The following SGMS1 variants were observed in gnomAD, a reference collection of about 807,000 sequenced individuals.
The protein encoded by SGMS1 is phosphatidylcholine:ceramide cholinephosphotransferase 1.
A neutral mutation model predicts 46.2 loss-of-function variants in SGMS1; 13 were observed. That is an observed-to-expected ratio of 0.28 (90% CI 0.18 to 0.45). The LOEUF is 0.45. Among genes scored for constraint, SGMS1 ranks in the 20% least tolerant of loss-of-function variants. The probability of loss-of-function intolerance (pLI) is 1.00; values close to 1 mark genes in which losing one functional copy is unlikely to be tolerated. For missense variants in SGMS1, 324 were observed against 519.9 expected, an observed-to-expected ratio of 0.62 and a Z score of 3.66; for synonymous variants, 203 against 187.8, an observed-to-expected ratio of 1.08 and a Z score of -0.66.
At chr10:50,475,861 G>C (rs962217478) in intron 3 of SGMS1, among the ~76,000 whole-genome samples, 1 of 152,012 alleles carries the variant, frequency 6.6e-6, no homozygotes, top group Non-Finnish European at 1.5e-5. Context: ...GCAGAAGCCT[G>C]TACAGCCTGC....
intron 5 of SGMS1, among the ~76,000 whole-genome samples, chr10:50,444,799 C>T (rs761426657): frequency 8.6e-5 from 13 of 151,908 alleles, no homozygotes; most frequent in Admixed American, 3.9e-4. Context: ...TTTAGGAAAA[C>T]GTAGAACAAT....
chr10:50,338,229 C>T (rs1354864590), intron 7 of SGMS1, among the ~76,000 whole-genome samples: 2 of 152,188 alleles, frequency 1.3e-5, no homozygotes, highest in Non-Finnish European at 2.9e-5. Flanking sequence ...TGTTTTACCA[C>T]TAAGCTCTCT....
At position 50,311,410 on chromosome 10, in the gene SGMS1, G is replaced by A. The variant is rs148009940; in HGVS notation, c.747C>T (p.Phe249=). ...TTCGCAGTTGGGCTTCCCAGTCTCC[G>A]AAAAGCTGGCAGAAAAAAAGAAAAG... is the stretch of plus-strand genomic sequence containing the variant. The part of the protein sequence containing the change: ...GMHFNCSPKL[F]GDWEAQLRRI... The change falls in exon 9 of 11, where the codon TTC becomes TTT. Residue 249 remains phenylalanine, a synonymous_variant. Coordinates refer to ENST00000361781, the MANE Select transcript of SGMS1 (RefSeq NM_147156.4). 25 of 1,611,794 alleles carry A rather than the reference G, an allele frequency of 1.6e-5. No individual in the cohort carries two copies. Among genetic ancestry groups the A allele is most frequent in the Middle Eastern group, 1.6e-4 (1 of 6,078 alleles).
intron 9 of SGMS1, 27 bp from the exon 10 acceptor site, chr10:50,308,175 T>A: frequency 6.2e-7 from 1 of 1,602,396 alleles, no homozygotes; most frequent in Non-Finnish European, 8.5e-7. Flanking sequence ...TTTGCAATAG[T>A]CCCATTATTC....
chr10:50,624,994 T>G (rs1205151777), upstream of SGMS1: 1 of 1,026,394 alleles, frequency 9.7e-7, no homozygotes, highest in Non-Finnish European at 1.2e-6. Flanking sequence ...GGAACCGACC[T>G]GGGAGCTGGC....
At chr10:50,405,280 T>C (rs1848997162) in intron 6 of SGMS1, among the ~76,000 whole-genome samples, 1 of 152,106 alleles carries the variant, frequency 6.6e-6, no homozygotes, top group South Asian at 2.1e-4. Flanking sequence ...CCTCAACATC[T>C]GAAAATCCCA....
At chr10:50,536,826 C>T (rs1490995949) in intron 2 of SGMS1, among the ~76,000 whole-genome samples, 1 of 152,174 alleles carries the variant, frequency 6.6e-6, no homozygotes, top group Admixed American at 6.5e-5. Flanking sequence ...TAATCATTGT[C>T]AAGATTATGC....
intron 1 of SGMS1, among the ~76,000 whole-genome samples, chr10:50,596,240 G>C (rs1287516838): frequency 6.8e-6 from 1 of 148,106 alleles, no homozygotes; most frequent in African/African-American, 2.5e-5. Flanking sequence ...GCAATGGCAC[G>C]ATCTCAGCTC....
intron 6 of SGMS1, among the ~76,000 whole-genome samples, chr10:50,409,812 T>C (rs1849071994): frequency 6.6e-6 from 1 of 152,106 alleles, no homozygotes; most frequent in Non-Finnish European, 1.5e-5. Flanking sequence ...TATAAGAATA[T>C]AAAAAGGACA....
chr10:50,418,577 AGCCTTTTCTTTAC>A (rs778883987), intron 6 of SGMS1: 4 of 152,228 alleles, frequency 2.6e-5, no homozygotes, highest in Non-Finnish European at 5.9e-5. Flanking sequence ...AGCCTTTCAC[AGCCTTTTCTTTAC>A]GCCTTTGACA....
At chr10:50,408,461 T>A (rs7914247) in intron 6 of SGMS1, among the ~76,000 whole-genome samples, 36,202 of 105,466 alleles carry the variant, frequency 0.34, 3,715 homozygotes, top group Middle Eastern at 0.39. Context: ...AAAAACAAAA[T>A]AAAAACTTTT....
At chr10:50,582,532 C>T (rs1050462085) in intron 2 of SGMS1, among the ~76,000 whole-genome samples, 1 of 152,176 alleles carries the variant, frequency 6.6e-6, no homozygotes, top group East Asian at 1.9e-4. Context: ...CCATAAAAAG[C>T]TTTGTCTCCT....
At chr10:50,352,936 G>T (rs1012702233) in intron 6 of SGMS1, among the ~76,000 whole-genome samples, 2 of 152,250 alleles carry the variant, frequency 1.3e-5, no homozygotes, top group South Asian at 4.2e-4. Context: ...TGAAATTGAG[G>T]CAATAATCAA....
intron 6 of SGMS1, among the ~76,000 whole-genome samples, chr10:50,371,319 C>T (rs1436124559): frequency 6.6e-6 from 1 of 152,178 alleles, no homozygotes; most frequent in Non-Finnish European, 1.5e-5. Flanking sequence ...GGTGGCATTA[C>T]ATTTCATCAG....
intron 7 of SGMS1, among the ~76,000 whole-genome samples, chr10:50,331,392 G>A (rs1047502126): frequency 6.6e-6 from 1 of 152,182 alleles, no homozygotes. Flanking sequence ...TGAATTTTGA[G>A]TATTTACAGC....
intron 6 of SGMS1, among the ~76,000 whole-genome samples, chr10:50,365,870 G>A (rs2133428745): frequency 6.6e-6 from 1 of 152,166 alleles, no homozygotes. Context: ...CTTTGCTATT[G>A]TAAATGGTAC....
At chr10:50,438,813 C>T (rs1179343264) in intron 5 of SGMS1, among the ~76,000 whole-genome samples, 7 of 152,200 alleles carry the variant, frequency 4.6e-5, no homozygotes, top group Non-Finnish European at 1.0e-4. Flanking sequence ...CCAACTCAGA[C>T]TCAGTTTCCT....
At chr10:50,358,888 A>G (rs998394840) in intron 6 of SGMS1, among the ~76,000 whole-genome samples, 2 of 152,234 alleles carry the variant, frequency 1.3e-5, no homozygotes, top group African/African-American at 4.8e-5. Context: ...TATAGATTTG[A>G]AGAACAAAAA....
intron 2 of SGMS1, among the ~76,000 whole-genome samples, chr10:50,534,873 C>CA (rs1385338101): frequency 1.9e-4 from 29 of 152,292 alleles, no homozygotes; most frequent in Admixed American, 3.3e-4. Context: ...CACAGCAACT[C>CA]AAACAGTTTC....
Sources: allele counts gnomAD v4.1 joint callset (sites outside exome capture counted in the v4.1 genomes callset), GRCh38; gene constraint gnomAD v4.1.1; transcripts MANE v1.5; gene names NCBI Gene and HGNC (gene_info 2026-07-23, HGNC 2026-07-21).